Variants in CAMTA1 observed in about 807,000 individuals in gnomAD.
CAMTA1 encodes calmodulin-binding transcription activator 1.
Under a neutral mutation model 170.9 loss-of-function variants are expected in CAMTA1, and 27 were observed. The ratio of observed to expected loss-of-function variants is 0.16; its 90% CI spans 0.12 to 0.22. CAMTA1 has a LOEUF of 0.22. Ranked by LOEUF, CAMTA1 falls within the 10% of genes least tolerant of loss-of-function variation. CAMTA1 has a pLI of 1.00. For synonymous variants in CAMTA1, 833 were observed against 891.5 expected (o/e 0.93, Z 1.17); for missense variants, 1,619 against 2,217.2 (o/e 0.73, Z 5.42).
At chr1:7,529,284 C>T (rs961949311) in intron 6 of CAMTA1, among the ~76,000 whole-genome samples, 6 of 152,096 alleles carry the variant, frequency 3.9e-5, no homozygotes, top group African/African-American at 7.2e-5. Context: ...TTGGACATTC[C>T]TCCACCTGCT....
intron 6 of CAMTA1, among the ~76,000 whole-genome samples, chr1:7,569,559 A>C (rs1333472498): frequency 3.3e-5 from 5 of 150,820 alleles, no homozygotes; most frequent in Non-Finnish European, 7.4e-5. Context: ...CACCACATCA[A>C]CATCACCATC....
intron 6 of CAMTA1, among the ~76,000 whole-genome samples, chr1:7,552,565 G>C (rs2150190816): frequency 6.6e-6 from 1 of 152,374 alleles, no homozygotes; most frequent in African/African-American, 2.4e-5. Context: ...AAGTCCAGAA[G>C]CTGGCTCGCC....
chr1:6,986,229 C>T (rs1572235039), intron 3 of CAMTA1, among the ~76,000 whole-genome samples: 1 of 152,300 alleles, frequency 6.6e-6, no homozygotes, highest in Non-Finnish European at 1.5e-5. Context: ...GATCCCTGCT[C>T]AGGTACTTGA....
intron 3 of CAMTA1, among the ~76,000 whole-genome samples, chr1:6,889,537 G>A (rs1372219253): frequency 1.3e-5 from 2 of 152,212 alleles, no homozygotes; most frequent in African/African-American, 2.4e-5. Context: ...GCCGCAGTGC[G>A]CACTCGTCAG....
chr1:6,826,739 T>G (rs1647170184), intron 3 of CAMTA1, among the ~76,000 whole-genome samples: 1 of 152,242 alleles, frequency 6.6e-6, no homozygotes, highest in East Asian at 1.9e-4. Context: ...CCATGTCTTG[T>G]GGCAGTTTAT....
intron 4 of CAMTA1, among the ~76,000 whole-genome samples, chr1:7,194,406 A>G (rs1655126503): frequency 1.3e-5 from 2 of 152,132 alleles, no homozygotes; most frequent in African/African-American, 2.4e-5. Flanking sequence ...ATAATAAACT[A>G]TATTTAAATA....
In CAMTA1 at chr1:7,594,117, GAGAAAGAA is replaced by G. The variant is rs373681342; in HGVS notation, c.511-46266_511-46259del. On this transcript the variant is annotated intron_variant, in intron 6 of 22. Coordinates refer to ENST00000303635, the MANE Select transcript of CAMTA1 (RefSeq NM_015215.4). ...AGAGGAAAGAAGAAAGAAAGAAAGA[GAGAAAGAA>G]AGAAAGAAAGAAAGAAGGAAGGAAG... 2.7e-4 allele frequency among the ~76,000 whole-genome samples: 35 copies of G among 130,778 alleles called. No individual in the cohort carries two copies. In the East Asian group the frequency reaches 4.9e-3, roughly 18 times the overall value. 85.8% of individuals were successfully genotyped at this position (130,778 alleles called of 152,430 possible). A position where few individuals can be genotyped will look rare whatever the true frequency, so the allele number is the denominator to read the frequency against.
chr1:7,225,832 A>C (rs1032247280), intron 4 of CAMTA1, among the ~76,000 whole-genome samples: 4 of 152,208 alleles, frequency 2.6e-5, no homozygotes, highest in African/African-American at 9.6e-5. Flanking sequence ...TGAGTGACAG[A>C]AACACATCCC....
chr1:7,290,818 T>C (rs2149499523), intron 5 of CAMTA1, among the ~76,000 whole-genome samples: 1 of 152,224 alleles, frequency 6.6e-6, no homozygotes, highest in South Asian at 2.1e-4. Context: ...AGAAAACCCC[T>C]AACATTTATT....
chr1:7,658,503 C>T (rs1447221731), intron 7 of CAMTA1, among the ~76,000 whole-genome samples: 3 of 152,192 alleles, frequency 2.0e-5, no homozygotes. Flanking sequence ...ACAGCTGGAA[C>T]AGACCACTGC....
At chr1:7,166,204 C>T (rs1051201013) in intron 4 of CAMTA1, among the ~76,000 whole-genome samples, 48 of 151,886 alleles carry the variant, frequency 3.2e-4, no homozygotes, top group Middle Eastern at 3.2e-3. Flanking sequence ...GTAGCTGGGA[C>T]TACAGGTGCC....
intron 5 of CAMTA1, among the ~76,000 whole-genome samples, chr1:7,383,685 G>A (rs751200310): frequency 6.6e-6 from 1 of 152,118 alleles, no homozygotes; most frequent in Non-Finnish European, 1.5e-5. Context: ...TGGTGCTGCT[G>A]CTACTGTCGA....
intron 5 of CAMTA1, among the ~76,000 whole-genome samples, chr1:7,407,672 G>A (rs934032649): frequency 7.9e-5 from 12 of 152,126 alleles, no homozygotes; most frequent in Non-Finnish European, 7.4e-5. Flanking sequence ...CTGAGACAGC[G>A]CGTCTCCGTC....
At chr1:7,698,998 C>G (rs890938563) in intron 11 of CAMTA1, 8 of 152,246 alleles carry the variant, frequency 5.3e-5, no homozygotes, top group African/African-American at 1.9e-4. Flanking sequence ...CTCTCCTGAC[C>G]TGGGCCTAGC....
At chr1:7,617,113 G>A (rs942578684) in intron 6 of CAMTA1, among the ~76,000 whole-genome samples, 2 of 152,182 alleles carry the variant, frequency 1.3e-5, no homozygotes, top group African/African-American at 4.8e-5. Flanking sequence ...CCAAGAGAAG[G>A]AGCCAGGTTC....
At chr1:6,953,379 A>G (rs140684069) in intron 3 of CAMTA1, among the ~76,000 whole-genome samples, 19 of 152,308 alleles carry the variant, frequency 1.2e-4, no homozygotes, top group African/African-American at 4.3e-4. Context: ...CCAAGATCTC[A>G]GTTGGTCTTT....
At chr1:7,337,249 C>T (rs779399002) in intron 5 of CAMTA1, among the ~76,000 whole-genome samples, 9 of 152,222 alleles carry the variant, frequency 5.9e-5, no homozygotes, top group Non-Finnish European at 1.2e-4. Flanking sequence ...ACCCGACTGC[C>T]ACATCGTCCT....
chr1:6,920,059 A>G (rs565187071), intron 3 of CAMTA1, among the ~76,000 whole-genome samples: 9 of 152,120 alleles, frequency 5.9e-5, no homozygotes, highest in Non-Finnish European at 1.3e-4. Context: ...GTCTCAGCTC[A>G]TTTCAGCATT....
chr1:6,841,996 G>T (rs919875408), intron 3 of CAMTA1, among the ~76,000 whole-genome samples: 1 of 152,002 alleles, frequency 6.6e-6, no homozygotes, highest in Non-Finnish European at 1.5e-5. Context: ...TTCCTGGGGA[G>T]CCTGGATCAG....
Sources: gnomAD v4.1 joint callset for allele counts (sites outside exome capture counted in the v4.1 genomes callset) on GRCh38, gnomAD v4.1.1 for gene constraint, MANE v1.5 for transcripts, NCBI Gene and HGNC (gene_info 2026-07-23, HGNC 2026-07-21) for gene names.